Variants in OSBPL1A observed in about 807,000 individuals in gnomAD.
OSBPL1A encodes the protein oxysterol binding protein like 1A, also known as oxysterol-binding protein-related protein 1.
Under a neutral mutation model 137.1 loss-of-function variants are expected in OSBPL1A, and 80 were observed. The ratio of observed to expected loss-of-function variants is 0.58; its 90% CI spans 0.49 to 0.70. The LOEUF (loss-of-function observed/expected upper bound fraction) is 0.70, where lower values mean the gene tolerates loss of function less well. OSBPL1A is among the 30% of genes least tolerant of loss of function. OSBPL1A has a pLI of 0.00. For missense variants in OSBPL1A, 970 were observed against 1,129.4 expected (o/e 0.86, Z 2.02); for synonymous variants, 365 against 389.7 (o/e 0.94, Z 0.75).
In OSBPL1A at chr18:24,300,985, C is replaced by T. The variant is rs571286708; in HGVS notation, c.1174+2652G>A. Among the ~76,000 whole-genome samples the T allele has an allele frequency of 7.9e-5, 12 of 152,280 alleles. No homozygotes were observed. In the South Asian group the frequency reaches 1.0e-3, roughly 13 times the overall value. ...CCGGGACTATAGGTGTGTACCACCA[C>T]GCCTGGCTAATATCAGTTTTCTTTA... On this transcript the variant is annotated intron_variant, in intron 14 of 27. Transcript: ENST00000319481.
chr18:24,348,077 G>T (rs1532010), intron 4 of OSBPL1A, among the ~76,000 whole-genome samples: 21,188 of 151,970 alleles, frequency 0.14, 1,694 homozygotes, highest in East Asian at 0.23. Context: ...ACCTGAAAGG[G>T]TAAGTTTGAA....
intron 14 of OSBPL1A, among the ~76,000 whole-genome samples, chr18:24,303,199 C>T (rs1246019344): frequency 6.6e-6 from 1 of 152,132 alleles, no homozygotes; most frequent in African/African-American, 2.4e-5. Flanking sequence ...CAGGGTTTCA[C>T]CATGTTGGCA....
chr18:24,390,596 G>A (rs1907269147), intron 1 of OSBPL1A, among the ~76,000 whole-genome samples: 1 of 148,014 alleles, frequency 6.8e-6, no homozygotes, highest in African/African-American at 2.5e-5. Context: ...TGGGGAGGCT[G>A]AGGCAGGAGA....
At chr18:24,354,592 T>C (rs7243764) in intron 4 of OSBPL1A, among the ~76,000 whole-genome samples, 51,008 of 151,160 alleles carry the variant, frequency 0.34, 9,072 homozygotes, top group East Asian at 0.53. Flanking sequence ...GATATCAGAG[T>C]ACCACTGAGG....
At chr18:24,265,615 G>A (rs2089550913) in intron 15 of OSBPL1A, among the ~76,000 whole-genome samples, 1 of 152,226 alleles carries the variant, frequency 6.6e-6, no homozygotes, top group South Asian at 2.1e-4. Flanking sequence ...AGTGAGGGCT[G>A]ATTTCTCAAG....
intron 15 of OSBPL1A, among the ~76,000 whole-genome samples, chr18:24,240,298 CA>C (rs1449370248): frequency 6.6e-6 from 1 of 152,122 alleles, no homozygotes; most frequent in Non-Finnish European, 1.5e-5. Flanking sequence ...CTAAAAAAGT[CA>C]AAAGATTATC....
At chr18:24,367,228 T>TTATATATATA (rs35876308) in intron 3 of OSBPL1A, among the ~76,000 whole-genome samples, 4 of 147,094 alleles carry the variant, frequency 2.7e-5, no homozygotes, top group African/African-American at 1.0e-4. Flanking sequence ...AGACTCCATC[T>TTATATATATA]TATATATATA....
At chr18:24,220,063 G>A (rs2087837492) in intron 17 of OSBPL1A, among the ~76,000 whole-genome samples, 1 of 152,154 alleles carries the variant, frequency 6.6e-6, no homozygotes, top group Non-Finnish European at 1.5e-5. Flanking sequence ...CACACGTAAT[G>A]AGTGGCCTGC....
intron 16 of OSBPL1A, among the ~76,000 whole-genome samples, chr18:24,227,079 G>C (rs984438606): frequency 1.3e-5 from 2 of 151,938 alleles, no homozygotes; most frequent in African/African-American, 4.8e-5. Flanking sequence ...TTTTAGTAAA[G>C]ACGGGGTTTC....
intron 14 of OSBPL1A, among the ~76,000 whole-genome samples, chr18:24,298,250 C>A (rs1475076684): frequency 6.6e-6 from 1 of 152,200 alleles, no homozygotes; most frequent in African/African-American, 2.4e-5. Context: ...GAAGAAATAA[C>A]CATAAAAATG....
At chr18:24,362,660 G>C (rs1479137712) in intron 4 of OSBPL1A, among the ~76,000 whole-genome samples, 2 of 152,084 alleles carry the variant, frequency 1.3e-5, no homozygotes, top group East Asian at 3.8e-4. Flanking sequence ...TCAACAACTA[G>C]AATATACAAG....
intron 18 of OSBPL1A, among the ~76,000 whole-genome samples, chr18:24,182,152 G>C (rs534417444): frequency 8.5e-5 from 13 of 152,246 alleles, no homozygotes; most frequent in Admixed American, 5.2e-4. Context: ...TTATGGTCTA[G>C]GGTACTAGCA....
chr18:24,237,140 A>G (rs1403507375), intron 16 of OSBPL1A, among the ~76,000 whole-genome samples: 1 of 152,162 alleles, frequency 6.6e-6, no homozygotes, highest in Non-Finnish European at 1.5e-5. Context: ...TGCTCAAAAA[A>G]GGTCTGTAAG....
At chr18:24,283,281 A>AAATATATAT (rs1246058393) in intron 14 of OSBPL1A, among the ~76,000 whole-genome samples, 5 of 78,376 alleles carry the variant, frequency 6.4e-5, no homozygotes, top group African/African-American at 2.6e-4. Context: ...AAAAAAAAAA[A>AAATATATAT]ATATATATAT....
intron 16 of OSBPL1A, among the ~76,000 whole-genome samples, chr18:24,226,730 C>T (rs560091585): frequency 6.6e-6 from 1 of 152,138 alleles, no homozygotes; most frequent in African/African-American, 2.4e-5. Context: ...TTAGATAATG[C>T]ACCTTTGGCT....
chr18:24,224,966 A>G, intron 17 of OSBPL1A, 76 bp downstream of exon 17: 2 of 1,563,088 alleles, frequency 1.3e-6, no homozygotes, highest in South Asian at 2.3e-5. Flanking sequence ...TGAAGACAAG[A>G]CATATATTTC....
intron 4 of OSBPL1A, among the ~76,000 whole-genome samples, chr18:24,350,774 G>C (rs2091425160): frequency 6.6e-6 from 1 of 152,052 alleles, no homozygotes; most frequent in Non-Finnish European, 1.5e-5. Flanking sequence ...TCTATACATA[G>C]CCAAACTATC....
intron 5 of OSBPL1A, among the ~76,000 whole-genome samples, chr18:24,334,603 C>T (rs372700954): frequency 4.6e-5 from 7 of 152,082 alleles, no homozygotes; most frequent in African/African-American, 9.6e-5. Flanking sequence ...TTTTATGTAC[C>T]GAAACACTAT....
At chr18:24,295,422 T>C (rs1235218917) in intron 14 of OSBPL1A, among the ~76,000 whole-genome samples, 1 of 152,154 alleles carries the variant, frequency 6.6e-6, no homozygotes, top group Non-Finnish European at 1.5e-5. Context: ...TTTAATTAGG[T>C]TCCATTTATT....
Sources: allele counts gnomAD v4.1 joint callset (sites outside exome capture counted in the v4.1 genomes callset), GRCh38; gene constraint gnomAD v4.1.1; transcripts MANE v1.5; gene names NCBI Gene and HGNC (gene_info 2026-07-23, HGNC 2026-07-21).